ASTN2: variants seen among roughly 807,000 people sequenced by gnomAD.
ASTN2 encodes astrotactin 2.
A neutral mutation model predicts 139.8 loss-of-function variants in ASTN2; 54 were observed. The observed-to-expected ratio is 0.39, with a 90% CI of 0.31 to 0.48. The LOEUF (loss-of-function observed/expected upper bound fraction) is 0.48, where lower values mean the gene tolerates loss of function less well. ASTN2 is among the 20% of genes least tolerant of loss of function. The pLI is 0.95. For missense variants in ASTN2, 1,565 were observed against 1,725.1 expected (o/e 0.91, Z 1.64); for synonymous variants, 756 against 719.5 (o/e 1.05, Z -0.81).
chr9:116,679,767 A>G (rs1859728950), intron 16 of ASTN2, among the ~76,000 whole-genome samples: 1 of 152,318 alleles, frequency 6.6e-6, no homozygotes, highest in Middle Eastern at 3.4e-3. Flanking sequence ...CTGCTCCTGA[A>G]TGACTACTGG....
chr9:116,684,481 C>T (rs765807355), intron 16 of ASTN2, among the ~76,000 whole-genome samples: 1 of 152,162 alleles, frequency 6.6e-6, no homozygotes, highest in Non-Finnish European at 1.5e-5. Flanking sequence ...CAGACTAATG[C>T]TTTCAAATCT....
At chr9:117,360,306 A>G (rs1220909669) in intron 1 of ASTN2, among the ~76,000 whole-genome samples, 1 of 152,148 alleles carries the variant, frequency 6.6e-6, no homozygotes, top group Non-Finnish European at 1.5e-5. Context: ...ATAGGTAATG[A>G]GGGTGAAGTG....
chr9:116,856,123 C>T (rs1832733076), intron 11 of ASTN2, among the ~76,000 whole-genome samples: 1 of 152,186 alleles, frequency 6.6e-6, no homozygotes, highest in Non-Finnish European at 1.5e-5. Context: ...CCCATAAAGA[C>T]ACCTGCCTGC....
chr9:116,620,480 C>A (rs1554721733), intron 17 of ASTN2, 37 bp from the exon 18 acceptor site: 1 of 1,613,064 alleles, frequency 6.2e-7, no homozygotes, highest in Non-Finnish European at 8.5e-7. Flanking sequence ...ACAATGATGA[C>A]AACAGGGGAG....
At chr9:116,652,373 G>GGTA (rs1476049405) in intron 16 of ASTN2, among the ~76,000 whole-genome samples, 1 of 151,844 alleles carries the variant, frequency 6.6e-6, no homozygotes, top group African/African-American at 2.4e-5. Flanking sequence ...AAATAAAGTT[G>GGTA]GTAGGTTGGG....
intron 13 of ASTN2, among the ~76,000 whole-genome samples, chr9:116,801,352 G>C (rs972539541): frequency 6.6e-6 from 1 of 151,984 alleles, no homozygotes; most frequent in Non-Finnish European, 1.5e-5. Context: ...GGAGGCCAAG[G>C]GGGGTGGATC....
intron 5 of ASTN2, among the ~76,000 whole-genome samples, chr9:117,093,292 C>T (rs975983738): frequency 1.3e-5 from 2 of 152,212 alleles, no homozygotes; most frequent in South Asian, 4.1e-4. Context: ...ATTTCTCTCC[C>T]TCCCTATCTC....
At chr9:116,659,888 A>T (rs907743864) in intron 16 of ASTN2, among the ~76,000 whole-genome samples, 47 of 152,142 alleles carry the variant, frequency 3.1e-4, no homozygotes, top group Admixed American at 3.1e-3. Flanking sequence ...GCTCTATTAA[A>T]CTTAGACTAA....
At chr9:116,922,732 C>T (rs994787843) in intron 10 of ASTN2, among the ~76,000 whole-genome samples, 1 of 152,104 alleles carries the variant, frequency 6.6e-6, no homozygotes, top group African/African-American at 2.4e-5. Context: ...GCAAGTTTCA[C>T]AAAAACATTC....
intron 17 of ASTN2, among the ~76,000 whole-genome samples, chr9:116,650,474 G>A (rs536292392): frequency 6.6e-6 from 1 of 152,280 alleles, no homozygotes; most frequent in Admixed American, 6.5e-5. Context: ...TAATATCTTT[G>A]AGGTTTCCTC....
chr9:116,875,894 A>G (rs1833282828), intron 10 of ASTN2, among the ~76,000 whole-genome samples: 1 of 152,194 alleles, frequency 6.6e-6, no homozygotes, highest in Admixed American at 6.5e-5. Context: ...CAGAAAAATG[A>G]GCTGTGATGG....
At chr9:117,379,558 G>T (rs1185906519) in intron 1 of ASTN2, among the ~76,000 whole-genome samples, 1 of 152,144 alleles carries the variant, frequency 6.6e-6, no homozygotes, top group Non-Finnish European at 1.5e-5. Context: ...GTTTCTCTTG[G>T]GAGGAATAAT....
chr9:116,516,828 G>A (rs1035719985), intron 19 of ASTN2, among the ~76,000 whole-genome samples: 1 of 152,208 alleles, frequency 6.6e-6, no homozygotes, highest in Non-Finnish European at 1.5e-5. Flanking sequence ...GGAGCAGAGT[G>A]AGGCCTGTGA....
intron 16 of ASTN2, among the ~76,000 whole-genome samples, chr9:116,718,334 G>A (rs1346707197): frequency 6.6e-6 from 1 of 152,208 alleles, no homozygotes; most frequent in Admixed American, 6.5e-5. Flanking sequence ...GGGCTGAAGA[G>A]GTTGGCTGAG....
chr9:116,966,917 G>T (rs1836027098), intron 10 of ASTN2, among the ~76,000 whole-genome samples: 1 of 152,148 alleles, frequency 6.6e-6, no homozygotes, highest in African/African-American at 2.4e-5. Flanking sequence ...ATCTTACAGA[G>T]AATGCCCCTT....
At chr9:116,565,215 AACACACAC>A (rs59415099) in intron 19 of ASTN2, among the ~76,000 whole-genome samples, 6,196 of 134,146 alleles carry the variant, frequency 0.046, 443 homozygotes, top group South Asian at 0.28. Context: ...GCTTGCCACA[AACACACAC>A]ACACACACAC....
intron 2 of ASTN2, among the ~76,000 whole-genome samples, chr9:117,236,726 C>T (rs1833055818): frequency 6.6e-6 from 1 of 152,180 alleles, no homozygotes; most frequent in Non-Finnish European, 1.5e-5. Context: ...CCCAGCTCTA[C>T]CATTGATCCC....
intron 13 of ASTN2, among the ~76,000 whole-genome samples, chr9:116,797,387 C>T (rs980045990): frequency 2.6e-5 from 4 of 152,060 alleles, no homozygotes; most frequent in East Asian, 3.9e-4. Context: ...AACATGGAGC[C>T]ACACAAAAGA....
At chr9:116,971,329 A>G (rs187690988) in intron 10 of ASTN2, among the ~76,000 whole-genome samples, 53 of 152,298 alleles carry the variant, frequency 3.5e-4, no homozygotes, top group African/African-American at 1.3e-3. Context: ...CACACTTGAA[A>G]GCCTTACCCC....
Sources: gnomAD v4.1 joint callset for allele counts (sites outside exome capture counted in the v4.1 genomes callset) on GRCh38, gnomAD v4.1.1 for gene constraint, MANE v1.5 for transcripts, NCBI Gene and HGNC (gene_info 2026-07-23, HGNC 2026-07-21) for gene names.